Variants in NELL1 observed in about 807,000 individuals in gnomAD.
NELL1 encodes neural EGFL like 1, also known as protein kinase C-binding protein NELL1.
Under a neutral mutation model 107.4 loss-of-function variants are expected in NELL1, and 76 were observed. The ratio of observed to expected loss-of-function variants is 0.71; its 90% CI spans 0.59 to 0.86. The LOEUF (loss-of-function observed/expected upper bound fraction) is 0.86, where lower values mean the gene tolerates loss of function less well. Among genes scored for constraint, NELL1 ranks in the 40% least tolerant of loss-of-function variants. The pLI, the probability that NELL1 is intolerant of heterozygous loss-of-function variation, is 0.00. For missense variants in NELL1, 1,024 were observed against 1,005.5 expected, an observed-to-expected ratio of 1.02 and a Z score of -0.25; for synonymous variants, 353 against 341.2, an observed-to-expected ratio of 1.03 and a Z score of -0.38.
At chr11:21,546,780 C>T (rs1269841755) in intron 16 of NELL1, among the ~76,000 whole-genome samples, 2 of 152,036 alleles carry the variant, frequency 1.3e-5, no homozygotes, top group Admixed American at 6.6e-5. Flanking sequence ...CAATTATCTA[C>T]AATTTCTTTG....
intron 2 of NELL1, among the ~76,000 whole-genome samples, chr11:20,710,240 G>C (rs751970102): frequency 6.6e-6 from 1 of 152,060 alleles, no homozygotes; most frequent in African/African-American, 2.4e-5. Flanking sequence ...TGCCAGTTTC[G>C]CTGAGGTTTT....
intron 14 of NELL1, among the ~76,000 whole-genome samples, chr11:21,298,062 CAAAA>C (rs1053618221): frequency 6.6e-6 from 1 of 151,916 alleles, no homozygotes; most frequent in African/African-American, 2.4e-5. Context: ...CATTTTACCC[CAAAA>C]AGTCTGCCCT....
intron 12 of NELL1, among the ~76,000 whole-genome samples, chr11:21,071,891 A>G (rs1854024166): frequency 6.6e-6 from 1 of 152,114 alleles, no homozygotes; most frequent in South Asian, 2.1e-4. Context: ...GAATGTATTT[A>G]CCTTCCTTCA....
chr11:20,915,713 A>AT (rs1437256065), intron 5 of NELL1, among the ~76,000 whole-genome samples: 2 of 57,722 alleles, frequency 3.5e-5, no homozygotes, highest in African/African-American at 9.9e-5. Context: ...ATATATATAT[A>AT]TATATTTTTT....
intron 15 of NELL1, among the ~76,000 whole-genome samples, chr11:21,500,383 C>A (rs1459350169): frequency 6.6e-6 from 1 of 152,158 alleles, no homozygotes; most frequent in African/African-American, 2.4e-5. Flanking sequence ...TTTCTAAATT[C>A]TCTGTAAGTA....
chr11:20,929,961 G>T (rs1012684214), intron 9 of NELL1, among the ~76,000 whole-genome samples: 1 of 143,596 alleles, frequency 7.0e-6, no homozygotes, highest in East Asian at 2.1e-4. Context: ...AACAGAGTGA[G>T]TCTGTCTCAA....
chr11:21,551,693 T>A (rs1856590167), intron 16 of NELL1, among the ~76,000 whole-genome samples: 2 of 151,620 alleles, frequency 1.3e-5, no homozygotes, highest in African/African-American at 4.8e-5. Flanking sequence ...TTGGTGGGAC[T>A]GTAAACCAGT....
chr11:20,790,054 T>C (rs987764386), intron 3 of NELL1, among the ~76,000 whole-genome samples: 1 of 152,168 alleles, frequency 6.6e-6, no homozygotes, highest in Admixed American at 6.5e-5. Context: ...AGTTGGCCCA[T>C]GGGCAGCCAT....
In NELL1 at chr11:21,017,766, C is replaced by CT. The variant is rs1852602877; in HGVS notation, c.1300+57207dup. Among the ~76,000 whole-genome samples the CT allele has an allele frequency of 3.9e-5, 6 of 152,202 alleles. No homozygotes were observed. In the South Asian group the frequency reaches 1.2e-3, roughly 32 times the overall value. On this transcript the variant is annotated intron_variant, in intron 12 of 19. Transcript: ENST00000357134. ...CATTCCTTATTTTATTAGAGGAATA[C>CT]TATTTCTAAATGCAAACTTGATCAT...
chr11:21,105,320 A>G (rs1262664929), intron 12 of NELL1, among the ~76,000 whole-genome samples: 1 of 152,174 alleles, frequency 6.6e-6, no homozygotes, highest in Non-Finnish European at 1.5e-5. Context: ...CAAAGTGCAC[A>G]GTGTTTTATA....
Position 20,755,539 on chromosome 11 carries a change from T to TTTTTTTTTTATTTTTTTTA in NELL1, c.185-28141_185-28140insTTTTTTTTTATTTTTTTTA, listed in dbSNP as rs753158538. Reference sequence around the variant, plus strand: ...TGTAAAAAAGACCTGTGTGGGTTTTTGTTTTTTTTTGTTTTTGTTTTTGTT... The same window carrying TTTTTTTTTTATTTTTTTTA: ...TGTAAAAAAGACCTGTGTGGGTTTTTTTTTTTTTTATTTTTTTTAGTTTTTTTTTGTTTTTGTTTTTGTT... On this transcript the variant is annotated intron_variant, in intron 2 of 19. Coordinates refer to ENST00000357134, the MANE Select transcript of NELL1 (RefSeq NM_006157.5). 1.0e-4 allele frequency among the ~76,000 whole-genome samples: 12 copies of TTTTTTTTTTATTTTTTTTA among 116,180 alleles called. 1 individual carries two copies. The highest frequency in any genetic ancestry group is 5.1e-4 in the African/African-American group (12 of 23,350). The allele number at this position is 116,180 out of a possible 152,430, so 76.2% of individuals were successfully genotyped here.
chr11:21,283,841 A>G (rs545976171), intron 14 of NELL1: 40 of 205,320 alleles, frequency 1.9e-4, no homozygotes, highest in African/African-American at 8.6e-4. Flanking sequence ...CCAACCTACC[A>G]TTCTTGGCTA....
At chr11:20,919,433 A>T in intron 7 of NELL1, 99 bp downstream of exon 7, 1 of 714,942 alleles carries the variant, frequency 1.4e-6, no homozygotes, top group East Asian at 2.6e-5. Flanking sequence ...TAGCCTCGGC[A>T]TCTGCTATAT....
At chr11:21,249,469 C>A (rs1590771687) in intron 14 of NELL1, among the ~76,000 whole-genome samples, 1 of 149,668 alleles carries the variant, frequency 6.7e-6, no homozygotes, top group Admixed American at 6.7e-5. Flanking sequence ...TTATTGGTTA[C>A]AAAACCTAAG....
intron 4 of NELL1, among the ~76,000 whole-genome samples, chr11:20,862,628 T>TTTTTTA (rs869055167): frequency 7.2e-6 from 1 of 138,676 alleles, no homozygotes; most frequent in African/African-American, 2.8e-5. Flanking sequence ...TTTTTTTTTT[T>TTTTTTA]ATTGATCATT....
At chr11:21,487,336 A>T (rs189032463) in intron 15 of NELL1, among the ~76,000 whole-genome samples, 1 of 152,336 alleles carries the variant, frequency 6.6e-6, no homozygotes, top group Admixed American at 6.5e-5. Flanking sequence ...ACTGACAGAG[A>T]AGGATAATAT....
At chr11:20,711,165 C>G (rs1855104425) in intron 2 of NELL1, among the ~76,000 whole-genome samples, 1 of 152,084 alleles carries the variant, frequency 6.6e-6, no homozygotes, top group African/African-American at 2.4e-5. Flanking sequence ...GCATTTAATG[C>G]TATGAACTTT....
intron 13 of NELL1, among the ~76,000 whole-genome samples, chr11:21,141,327 C>A (rs1855862507): frequency 6.6e-6 from 1 of 152,198 alleles, no homozygotes; most frequent in African/African-American, 2.4e-5. Flanking sequence ...AGCCACCTTC[C>A]CTCAGCTCTG....
chr11:21,545,810 G>C (rs1040718291), intron 16 of NELL1, among the ~76,000 whole-genome samples: 1 of 151,958 alleles, frequency 6.6e-6, no homozygotes, highest in African/African-American at 2.4e-5. Context: ...AATTTTAGAA[G>C]TATGATCCTC....
Sources: gnomAD v4.1 joint callset for allele counts (sites outside exome capture counted in the v4.1 genomes callset) on GRCh38, gnomAD v4.1.1 for gene constraint, MANE v1.5 for transcripts, NCBI Gene and HGNC (gene_info 2026-07-23, HGNC 2026-07-21) for gene names.